SCLT1: variants seen among roughly 807,000 people sequenced by gnomAD.
The protein encoded by SCLT1 is sodium channel and clathrin linker 1, also known as sodium channel-associated protein 1.
SCLT1 carries 78 observed loss-of-function variants against 112.8 expected under a neutral mutation model. The ratio of observed to expected loss-of-function variants is 0.69; its 90% CI spans 0.58 to 0.83. The LOEUF (loss-of-function observed/expected upper bound fraction) is 0.83, where lower values mean the gene tolerates loss of function less well. Among genes scored for constraint, SCLT1 ranks in the 40% least tolerant of loss-of-function variants. SCLT1 has a pLI of 0.00. For synonymous variants in SCLT1, 257 were observed against 254.7 expected (o/e 1.01, Z -0.09); for missense variants, 747 against 770.4 (o/e 0.97, Z 0.36).
At chr4:129,054,071 T>C (rs1464623519) in intron 2 of SCLT1, among the ~76,000 whole-genome samples, 1 of 152,164 alleles carries the variant, frequency 6.6e-6, no homozygotes, top group East Asian at 1.9e-4. Flanking sequence ...TTGTTGGATA[T>C]TGGCCCCCAC....
intron 5 of SCLT1, among the ~76,000 whole-genome samples, chr4:129,017,129 A>T (rs1045894648): frequency 6.6e-6 from 1 of 151,970 alleles, no homozygotes; most frequent in Non-Finnish European, 1.5e-5. Flanking sequence ...TAGCTTAAAA[A>T]TTTTTATGTG....
At chr4:128,986,665 T>A (rs570390594) in intron 9 of SCLT1, among the ~76,000 whole-genome samples, 1 of 152,320 alleles carries the variant, frequency 6.6e-6, no homozygotes, top group South Asian at 2.1e-4. Context: ...AAGTCCCAGA[T>A]TCTAGATTTT....
At chr4:128,903,122 G>C (rs547990905) in intron 18 of SCLT1, among the ~76,000 whole-genome samples, 18 of 151,936 alleles carry the variant, frequency 1.2e-4, no homozygotes, top group African/African-American at 3.6e-4. Context: ...ACAATAAAAA[G>C]TACAGTATAG....
chr4:129,012,466 A>G (rs973443880), intron 5 of SCLT1, among the ~76,000 whole-genome samples: 1 of 152,184 alleles, frequency 6.6e-6, no homozygotes, highest in African/African-American at 2.4e-5. Flanking sequence ...AACATGTGCC[A>G]TGTGGTGATG....
chr4:128,930,200 T>C (rs2125974078), intron 18 of SCLT1, among the ~76,000 whole-genome samples: 1 of 152,226 alleles, frequency 6.6e-6, no homozygotes, highest in South Asian at 2.1e-4. Flanking sequence ...AATTATTTGC[T>C]CTGAGGGAAG....
At chr4:128,990,318 TG>T in intron 9 of SCLT1, among the ~76,000 whole-genome samples, 1 of 151,632 alleles carries the variant, frequency 6.6e-6, no homozygotes, top group Non-Finnish European at 1.5e-5. Flanking sequence ...ATAAATGTGA[TG>T]TATCAACAAA....
At chr4:129,078,906 G>A (rs1485888011) in intron 2 of SCLT1, among the ~76,000 whole-genome samples, 1 of 152,144 alleles carries the variant, frequency 6.6e-6, no homozygotes, top group Non-Finnish European at 1.5e-5. Flanking sequence ...GAGGCCTCAG[G>A]AAACTTTCAG....
At chr4:129,058,934 G>A (rs1399016639) in intron 2 of SCLT1, among the ~76,000 whole-genome samples, 1 of 151,996 alleles carries the variant, frequency 6.6e-6, no homozygotes, top group Non-Finnish European at 1.5e-5. Context: ...GGTGTTGGGT[G>A]TATATATATT....
intron 18 of SCLT1, among the ~76,000 whole-genome samples, chr4:128,910,306 G>T (rs1179833212): frequency 6.6e-6 from 1 of 152,182 alleles, no homozygotes; most frequent in East Asian, 1.9e-4. Flanking sequence ...AATTTGCTGG[G>T]TAAAAATTAT....
intron 2 of SCLT1, among the ~76,000 whole-genome samples, chr4:129,070,750 T>G (rs1750933758): frequency 6.6e-6 from 1 of 152,104 alleles, no homozygotes; most frequent in Non-Finnish European, 1.5e-5. Context: ...GTTTGTTTGC[T>G]TGCTTGTTTG....
chr4:128,932,253 A>G (rs1736836887), intron 18 of SCLT1, among the ~76,000 whole-genome samples: 1 of 152,172 alleles, frequency 6.6e-6, no homozygotes, highest in African/African-American at 2.4e-5. Flanking sequence ...AAACCACAGA[A>G]CATTTAAAAT....
chr4:129,046,636 C>A (rs1321656043), intron 2 of SCLT1, among the ~76,000 whole-genome samples: 2 of 152,064 alleles, frequency 1.3e-5, no homozygotes, highest in Non-Finnish European at 2.9e-5. Flanking sequence ...AGTGCTGCTA[C>A]AAACATTCTT....
At chr4:128,886,150 C>T (rs17013900) in intron 20 of SCLT1, among the ~76,000 whole-genome samples, 1,728 of 152,248 alleles carry the variant, frequency 0.011, 30 homozygotes, top group African/African-American at 0.036. Context: ...TGAAAGGCTT[C>T]ACCACGCTGA....
rs1034406140 is a variant in SCLT1 at position 128,884,013 on chromosome 4, A to G, written c.*464T>C. The G allele has an allele frequency of 6.6e-6, 1 of 152,536 alleles. No homozygotes were observed. The highest frequency in any genetic ancestry group is 1.5e-5 in the Non-Finnish European group (1 of 68,264). The allele number at this position is 152,536 out of a possible 1,614,324, so 9.4% of individuals were successfully genotyped here. Reference sequence around the variant, plus strand: ...CATCATTTTAGAAAGTGCACAATTTATTACATTTATGAGTTCATAATAAAA... The same window carrying G: ...CATCATTTTAGAAAGTGCACAATTTGTTACATTTATGAGTTCATAATAAAA... On this transcript the variant is annotated 3_prime_UTR_variant, in exon 21 of 21. Transcript: ENST00000281142.
intron 17 of SCLT1, 49 bp downstream of exon 17, chr4:128,942,947 T>C (rs1737828595): frequency 7.1e-7 from 1 of 1,403,916 alleles, no homozygotes; most frequent in Non-Finnish European, 9.8e-7. Flanking sequence ...AAATATTCTC[T>C]ATACTTTGAT....
rs554796907 is a variant in SCLT1, at chr4:129,000,910, C to T, written c.427-1116G>A. 4.6e-5 allele frequency among the ~76,000 whole-genome samples: 7 copies of T among 151,570 alleles called. No homozygotes were observed. In the South Asian group the frequency reaches 8.3e-4, roughly 18 times the overall value. ...CTCTTCTCCTAAATAACCATTTCCTCGTGTTCCTAACACCATAGATTAGTT... is the reference window on the plus strand; with the variant it reads ...CTCTTCTCCTAAATAACCATTTCCTTGTGTTCCTAACACCATAGATTAGTT... On this transcript the variant is annotated intron_variant, in intron 6 of 20. Transcript: ENST00000281142.
At chr4:128,959,882 C>A in intron 11 of SCLT1, 105 bp from the exon 12 acceptor site, 1 of 814,500 alleles carries the variant, frequency 1.2e-6, no homozygotes, top group Non-Finnish European at 2.0e-6. Context: ...GTAACTTTCA[C>A]ATGTATTAAT....
At chr4:129,073,663 CACA>C (rs533973457) in intron 2 of SCLT1, among the ~76,000 whole-genome samples, 93 of 150,572 alleles carry the variant, frequency 6.2e-4, no homozygotes, top group Middle Eastern at 3.5e-3. Context: ...CTTATAGATG[CACA>C]ACAAATTAGT....
intron 8 of SCLT1, among the ~76,000 whole-genome samples, chr4:128,994,962 C>A (rs898324250): frequency 6.6e-6 from 1 of 152,030 alleles, no homozygotes; most frequent in Non-Finnish European, 1.5e-5. Flanking sequence ...AATATTTTGT[C>A]CCATTCCATA....
Sources: allele counts gnomAD v4.1 joint callset (sites outside exome capture counted in the v4.1 genomes callset), GRCh38; gene constraint gnomAD v4.1.1; transcripts MANE v1.5; gene names NCBI Gene and HGNC (gene_info 2026-07-23, HGNC 2026-07-21).